FNDC1: variants seen among roughly 807,000 people sequenced by gnomAD.
The protein encoded by FNDC1 is fibronectin type III domain-containing protein 1.
A neutral mutation model predicts 168.0 loss-of-function variants in FNDC1; 96 were observed. The observed-to-expected ratio is 0.57, with a 90% confidence interval of 0.48 to 0.68. FNDC1 has a LOEUF of 0.68. Among genes scored for constraint, FNDC1 ranks in the 30% least tolerant of loss-of-function variants. The probability of loss-of-function intolerance (pLI) is 0.00; values close to 1 mark genes in which losing one functional copy is unlikely to be tolerated. For missense variants in FNDC1, 2,587 were observed against 2,482.1 expected, an observed-to-expected ratio of 1.04 and a Z score of -0.90; for synonymous variants, 1,099 against 1,025.9, an observed-to-expected ratio of 1.07 and a Z score of -1.36.
At chr6:159,189,256 C>T (rs1391446047) in intron 1 of FNDC1, among the ~76,000 whole-genome samples, 1 of 152,132 alleles carries the variant, frequency 6.6e-6, no homozygotes, top group East Asian at 1.9e-4. Flanking sequence ...TCTCTCCTCA[C>T]CTCTGGTCTC....
In FNDC1 at chr6:159,234,406, G is replaced by T. The variant is rs1461095115; in HGVS notation, c.3894G>T (p.Leu1298Phe). The T allele has an allele frequency of 3.7e-6, 6 of 1,613,590 alleles. No individual in the cohort carries two copies. The highest frequency in any genetic ancestry group is 5.1e-6 in the Non-Finnish European group (6 of 1,179,826). The part of the protein sequence containing the change: ...GHFSTTPMLS[L>F]RQRMMHARFR... The stretch of plus-strand genomic sequence containing the variant: ...TCTCCACCACCCCGATGCTGTCCTT[G>T]CGCCAGAGGATGATGCATGCCAGAT... Residue 1298 changes from leucine (L) to phenylalanine (F), a missense_variant, in exon 11 of 23, where the codon TTG becomes TTT. Transcript: ENST00000297267.
chr6:159,248,748 C>T (rs1208197768), intron 15 of FNDC1, among the ~76,000 whole-genome samples: 1 of 152,242 alleles, frequency 6.6e-6, no homozygotes, highest in East Asian at 1.9e-4. Flanking sequence ...CTAAGGTTCT[C>T]TCCAGCTCTG....
chr6:159,205,936 C>G (rs888194839), intron 4 of FNDC1, among the ~76,000 whole-genome samples: 2 of 152,184 alleles, frequency 1.3e-5, no homozygotes, highest in Non-Finnish European at 2.9e-5. Flanking sequence ...CAAAGGTACA[C>G]AGAAGAAAGA....
intron 1 of FNDC1, among the ~76,000 whole-genome samples, chr6:159,171,523 T>A (rs1781659961): frequency 6.6e-6 from 1 of 152,118 alleles, no homozygotes; most frequent in Non-Finnish European, 1.5e-5. Flanking sequence ...TCACCACCCT[T>A]TTGGGGCCAG....
rs1167242734 is a variant in FNDC1 at position 159,190,789 on chromosome 6, AT to A, written c.110-6639del. Among the ~76,000 whole-genome samples the A allele has an allele frequency of 3.9e-5, 6 of 152,372 alleles. No individual in the cohort carries two copies. The South Asian group carries it at 1.2e-3, about 32-fold the overall frequency. On this transcript the variant is annotated intron_variant, in intron 1 of 22. Transcript: ENST00000297267. ...AAGTTCAGGAACGGGTGCTTCATAC[AT>A]TTAGCCTGGGGAAATGAAACTGAAA...
At chr6:159,258,066 A>G (rs1222453290) in intron 18 of FNDC1, among the ~76,000 whole-genome samples, 2 of 152,118 alleles carry the variant, frequency 1.3e-5, no homozygotes, top group African/African-American at 2.4e-5. Context: ...CGTTCTTTCC[A>G]CAACTTCTGC....
intron 1 of FNDC1, among the ~76,000 whole-genome samples, chr6:159,177,107 G>A (rs893416448): frequency 6.6e-6 from 1 of 152,134 alleles, no homozygotes; most frequent in African/African-American, 2.4e-5. Context: ...TGGGGCCAGG[G>A]GTGGGTCTGT....
chr6:159,196,419 A>G (rs1782241485), intron 1 of FNDC1, among the ~76,000 whole-genome samples: 1 of 152,202 alleles, frequency 6.6e-6, no homozygotes, highest in South Asian at 2.1e-4. Context: ...AGAATTATCT[A>G]TGTTTATTCT....
intron 1 of FNDC1, among the ~76,000 whole-genome samples, chr6:159,191,765 C>T (rs989318053): frequency 6.6e-6 from 1 of 152,168 alleles, no homozygotes; most frequent in African/African-American, 2.4e-5. Context: ...TGCTGTAGAA[C>T]ATTTGGCTAA....
chr6:159,201,757 T>C (rs1782384718), intron 4 of FNDC1, among the ~76,000 whole-genome samples: 1 of 152,254 alleles, frequency 6.6e-6, no homozygotes, highest in Admixed American at 6.5e-5. Context: ...AACACACACA[T>C]GTAAACAGAC....
At chr6:159,197,127 T>A (rs1782259137) in intron 1 of FNDC1, among the ~76,000 whole-genome samples, 1 of 152,234 alleles carries the variant, frequency 6.6e-6, no homozygotes, top group African/African-American at 2.4e-5. Context: ...GATTTGTTAT[T>A]CTGTCACTAG....
intron 18 of FNDC1, among the ~76,000 whole-genome samples, 199 bp from the exon 19 acceptor site, chr6:159,260,991 A>G (rs1386730968): frequency 6.6e-6 from 1 of 152,216 alleles, no homozygotes. Flanking sequence ...CTGCTATGTT[A>G]ATTGTATTAT....
intron 20 of FNDC1, among the ~76,000 whole-genome samples, 168 bp from the exon 21 acceptor site, chr6:159,265,916 A>C (rs2115031810): frequency 6.6e-6 from 1 of 150,922 alleles, no homozygotes; most frequent in East Asian, 2.0e-4. Context: ...TGACAGAGCG[A>C]GACTCCATCA....
intron 14 of FNDC1, among the ~76,000 whole-genome samples, chr6:159,242,137 G>A (rs891768069): frequency 3.3e-5 from 5 of 152,202 alleles, no homozygotes; most frequent in Non-Finnish European, 7.3e-5. Flanking sequence ...TATACACCAT[G>A]GAATACTATG....
intron 20 of FNDC1, 109 bp from the exon 21 acceptor site, chr6:159,265,975 C>T (rs895100694): frequency 2.2e-5 from 24 of 1,091,192 alleles, no homozygotes; most frequent in Non-Finnish European, 3.2e-5. Context: ...AACAAAAAGC[C>T]CTGTAAGGAA....
At chr6:159,223,482 C>T (rs762399250) in intron 6 of FNDC1, 46 bp from the exon 7 acceptor site, 3 of 1,273,970 alleles carry the variant, frequency 2.4e-6, no homozygotes, top group Non-Finnish European at 2.3e-6. Context: ...CAGGGCAGAA[C>T]CTGTTGTGAG....
At chr6:159,209,666 G>T (rs1782557410) in intron 4 of FNDC1, among the ~76,000 whole-genome samples, 1 of 152,210 alleles carries the variant, frequency 6.6e-6, no homozygotes, top group South Asian at 2.1e-4. Flanking sequence ...TGGTGATGTT[G>T]TCTGGTTTGT....
intron 1 of FNDC1, among the ~76,000 whole-genome samples, chr6:159,187,873 G>T (rs1348251888): frequency 1.3e-5 from 2 of 152,098 alleles, no homozygotes; most frequent in African/African-American, 2.4e-5. Context: ...ATGAATGATA[G>T]CTTCATTTTT....
chr6:159,186,544 T>G (rs886462862), intron 1 of FNDC1, among the ~76,000 whole-genome samples: 1 of 152,212 alleles, frequency 6.6e-6, no homozygotes, highest in Admixed American at 6.5e-5. Flanking sequence ...ATGGGACCTT[T>G]TCATGTAAGG....
Sources: allele counts gnomAD v4.1 joint callset (sites outside exome capture counted in the v4.1 genomes callset), GRCh38; gene constraint gnomAD v4.1.1; transcripts MANE v1.5; gene names NCBI Gene and HGNC (gene_info 2026-07-23, HGNC 2026-07-21).